LRP1B: variants seen among roughly 807,000 people sequenced by gnomAD.
LRP1B encodes low-density lipoprotein receptor-related protein 1B.
Under a neutral mutation model 556.6 loss-of-function variants are expected in LRP1B, and 217 were observed. The ratio of observed to expected loss-of-function variants is 0.39; its 90% CI spans 0.35 to 0.44. The LOEUF (loss-of-function observed/expected upper bound fraction) is 0.44. LRP1B is among the 20% of genes least tolerant of loss of function. LRP1B has a pLI of 1.00. For synonymous variants in LRP1B, 2,047 were observed against 1,865.8 expected (o/e 1.10, Z -2.50); for missense variants, 5,053 against 5,620.8 (o/e 0.90, Z 3.23).
intron 3 of LRP1B, among the ~76,000 whole-genome samples, chr2:141,362,096 A>G (rs1268128771): frequency 6.6e-6 from 1 of 152,218 alleles, no homozygotes; most frequent in African/African-American, 2.4e-5. Flanking sequence ...GCTATTTAGT[A>G]TCTAAGATCA....
At chr2:141,193,699 C>T (rs1442809051) in intron 6 of LRP1B, among the ~76,000 whole-genome samples, 1 of 151,262 alleles carries the variant, frequency 6.6e-6, no homozygotes, top group African/African-American at 2.4e-5. Flanking sequence ...ATGTAACAAA[C>T]CTGCCCTTGT....
chr2:140,560,391 G>A (rs910164089), intron 43 of LRP1B, among the ~76,000 whole-genome samples: 2 of 152,100 alleles, frequency 1.3e-5, no homozygotes, highest in African/African-American at 4.8e-5. Context: ...ATCAATGTCA[G>A]TTTTCATAAC....
chr2:141,850,045 A>G (rs1418525913), intron 1 of LRP1B, among the ~76,000 whole-genome samples: 2 of 151,738 alleles, frequency 1.3e-5, no homozygotes, highest in Non-Finnish European at 3.0e-5. Flanking sequence ...CCATCAGTAG[A>G]TCAAGAATTT....
In LRP1B at chr2:140,407,567, CAT is replaced by C. The variant is rs1041672544; in HGVS notation, c.10415-21560_10415-21559del. 4.6e-5 allele frequency among the ~76,000 whole-genome samples: 7 copies of C among 151,876 alleles called. No homozygotes were observed. The East Asian group carries it at 9.6e-4, about 21-fold the overall frequency. ...ATAAGATACACAAACAGCCAACAAA[CAT>C]ATAAAAAATGCTCAACATTACTGAT... On this transcript the variant is annotated intron_variant, in intron 66 of 90. Coordinates refer to ENST00000389484, the MANE Select transcript of LRP1B (RefSeq NM_018557.3).
chr2:141,269,969 C>A (rs1685028812), intron 3 of LRP1B, among the ~76,000 whole-genome samples: 1 of 151,928 alleles, frequency 6.6e-6, no homozygotes, highest in Non-Finnish European at 1.5e-5. Context: ...CTCAAAAATT[C>A]CAAACATGTG....
At chr2:140,345,581 A>G (rs1022862542) in intron 77 of LRP1B, among the ~76,000 whole-genome samples, 1 of 149,860 alleles carries the variant, frequency 6.7e-6, no homozygotes, top group Admixed American at 6.7e-5. Flanking sequence ...AGTTTTATGT[A>G]TGTCCTCTAT....
At chr2:141,016,215 C>A (rs929888019) in intron 12 of LRP1B, among the ~76,000 whole-genome samples, 4 of 152,008 alleles carry the variant, frequency 2.6e-5, no homozygotes, top group African/African-American at 7.2e-5. Context: ...TTTTTGGGGG[C>A]TGTTGATACC....
rs1553526086 is a variant in LRP1B at position 141,517,027 on chromosome 2, A to AAAAG, written c.206-36495_206-36494insCTTT. ...CTTAAAAAAAAAAAAAAAAAAAAAA[A>AAAAG]AAAAAGTAAATCAATGAAATAATTT... On this transcript the variant is annotated intron_variant, in intron 2 of 90. Coordinates refer to ENST00000389484, the MANE Select transcript of LRP1B (RefSeq NM_018557.3). Among the ~76,000 whole-genome samples, 46 of 136,996 alleles carry AAAAG rather than the reference A, an allele frequency of 3.4e-4. 4 individuals are homozygous for AAAAG. The highest frequency in any genetic ancestry group is 1.3e-3 in the African/African-American group (43 of 33,372). 89.9% of individuals were successfully genotyped at this position (136,996 alleles called of 152,430 possible).
chr2:140,434,451 T>C (rs555557621), intron 66 of LRP1B, among the ~76,000 whole-genome samples: 16 of 152,318 alleles, frequency 1.1e-4, no homozygotes, highest in African/African-American at 3.4e-4. Context: ...AAATAATTTC[T>C]CTCAAGATTT....
At chr2:140,262,733 C>T (rs563562556) in intron 86 of LRP1B, among the ~76,000 whole-genome samples, 2 of 152,244 alleles carry the variant, frequency 1.3e-5, no homozygotes, top group Non-Finnish European at 2.9e-5. Flanking sequence ...CTGACCTCCT[C>T]ACTCTCCTCT....
chr2:142,049,639 A>G (rs1279071934), intron 1 of LRP1B, among the ~76,000 whole-genome samples: 4 of 152,056 alleles, frequency 2.6e-5, no homozygotes, highest in Non-Finnish European at 5.9e-5. Flanking sequence ...GATTCCCATG[A>G]CTGCCCAATT....
At chr2:141,320,450 AG>A (rs1687196116) in intron 3 of LRP1B, among the ~76,000 whole-genome samples, 1 of 151,976 alleles carries the variant, frequency 6.6e-6, no homozygotes, top group South Asian at 2.1e-4. Flanking sequence ...ACGGGCGGTG[AG>A]GGGAGAAAAG....
intron 3 of LRP1B, among the ~76,000 whole-genome samples, chr2:141,372,605 A>G (rs1292458729): frequency 6.6e-6 from 1 of 151,974 alleles, no homozygotes; most frequent in East Asian, 1.9e-4. Flanking sequence ...TCTTGGTTCA[A>G]TCTCAGGAGC....
intron 3 of LRP1B, among the ~76,000 whole-genome samples, chr2:141,274,928 A>G (rs1330194018): frequency 6.6e-6 from 1 of 152,190 alleles, no homozygotes; most frequent in Admixed American, 6.5e-5. Flanking sequence ...AGTCAACCAA[A>G]AATTTATTAC....
At chr2:140,569,742 A>G (rs183584295) in intron 43 of LRP1B, among the ~76,000 whole-genome samples, 94 of 152,016 alleles carry the variant, frequency 6.2e-4, no homozygotes, top group African/African-American at 2.0e-3. Flanking sequence ...CAGAATAAAC[A>G]TTCTTTTCAT....
At chr2:140,459,481 A>G (rs919463017) in intron 60 of LRP1B, among the ~76,000 whole-genome samples, 1 of 152,180 alleles carries the variant, frequency 6.6e-6, no homozygotes, top group Admixed American at 6.6e-5. Flanking sequence ...AACAATCTCA[A>G]TCCATAAGAG....
At chr2:141,673,022 C>T (rs553736633) in intron 2 of LRP1B, among the ~76,000 whole-genome samples, 1 of 151,800 alleles carries the variant, frequency 6.6e-6, no homozygotes, top group Admixed American at 6.6e-5. Flanking sequence ...TAAAAACAGT[C>T]GCCTATATCA....
At chr2:140,485,567 A>C in intron 58 of LRP1B, 43 bp from the exon 59 acceptor site, 1 of 1,451,114 alleles carries the variant, frequency 6.9e-7, no homozygotes, top group Non-Finnish European at 9.4e-7. Context: ...TAAATCCCTA[A>C]AATAAGAAGT....
At chr2:140,818,089 T>A (rs1691190729) in intron 31 of LRP1B, among the ~76,000 whole-genome samples, 1 of 151,366 alleles carries the variant, frequency 6.6e-6, no homozygotes, top group Admixed American at 6.6e-5. Flanking sequence ...CTTTCAAATG[T>A]AATATTTTAG....
Sources: gnomAD v4.1 joint callset for allele counts (sites outside exome capture counted in the v4.1 genomes callset) on GRCh38, gnomAD v4.1.1 for gene constraint, MANE v1.5 for transcripts, NCBI Gene and HGNC (gene_info 2026-07-23, HGNC 2026-07-21) for gene names.